ATF2: variants seen among roughly 807,000 people sequenced by gnomAD.
ATF2 encodes the protein cyclic AMP-dependent transcription factor ATF-2.
Under a neutral mutation model 60.6 loss-of-function variants are expected in ATF2, and 24 were observed. The ratio of observed to expected loss-of-function variants is 0.40; its 90% CI spans 0.29 to 0.56. The LOEUF (loss-of-function observed/expected upper bound fraction) is 0.56. Among genes scored for constraint, ATF2 ranks in the 20% least tolerant of loss-of-function variants. The pLI is 0.54. For synonymous variants in ATF2, 206 were observed against 215.4 expected, an observed-to-expected ratio of 0.96 and a Z score of 0.38; for missense variants, 433 against 607.7, an observed-to-expected ratio of 0.71 and a Z score of 3.02.
At chr2:175,093,641 A>C (rs1405333233) in intron 11 of ATF2, among the ~76,000 whole-genome samples, 2 of 152,182 alleles carry the variant, frequency 1.3e-5, no homozygotes, top group Non-Finnish European at 2.9e-5. Context: ...AACTAATTAT[A>C]AATTTCTCAA....
At chr2:175,155,020 G>C (rs1699583295) in intron 1 of ATF2, among the ~76,000 whole-genome samples, 1 of 152,200 alleles carries the variant, frequency 6.6e-6, no homozygotes, top group African/African-American at 2.4e-5. Context: ...GTAGGCAGGA[G>C]GTGGACAGTC....
intron 3 of ATF2, among the ~76,000 whole-genome samples, chr2:175,136,158 G>A (rs546821061): frequency 6.6e-6 from 1 of 151,944 alleles, no homozygotes; most frequent in Non-Finnish European, 1.5e-5. Flanking sequence ...CCATGGGACT[G>A]ATAGAACTCA....
intron 1 of ATF2, among the ~76,000 whole-genome samples, chr2:175,151,576 A>C (rs186847487): frequency 3.3e-5 from 5 of 152,166 alleles, no homozygotes; most frequent in African/African-American, 1.2e-4. Flanking sequence ...ATTGCTGCAC[A>C]ATAAAACCCA....
intron 3 of ATF2, among the ~76,000 whole-genome samples, chr2:175,132,532 C>T (rs1355940122): frequency 2.6e-5 from 4 of 152,078 alleles, no homozygotes; most frequent in Non-Finnish European, 4.4e-5. Context: ...CCCTTTTGCT[C>T]GTATTTTAAG....
intron 10 of ATF2, among the ~76,000 whole-genome samples, chr2:175,106,513 G>A (rs1435849516): frequency 6.7e-6 from 1 of 149,216 alleles, no homozygotes; most frequent in Non-Finnish European, 1.5e-5. Flanking sequence ...GTGACAAAGA[G>A]AAAGACTGTC....
At chr2:175,167,578 G>A in intron 1 of ATF2, 1 of 471,720 alleles carries the variant, frequency 2.1e-6, no homozygotes, top group Non-Finnish European at 4.4e-6. Context: ...GTCCTCAATC[G>A]CTTGAATACT....
chr2:175,084,579 G>C (rs901639550), intron 12 of ATF2, among the ~76,000 whole-genome samples: 1 of 149,516 alleles, frequency 6.7e-6, no homozygotes, highest in African/African-American at 2.5e-5. Context: ...CACCAGCATG[G>C]CACATGTATA....
chr2:175,150,352 T>C lies in ATF2; in HGVS notation c.-44+708A>G, dbSNP rs1355178908. On this transcript the variant is annotated intron_variant, in intron 2 of 13. Coordinates refer to ENST00000264110, the MANE Select transcript of ATF2 (RefSeq NM_001880.4). ...ATATATCTAACAAAGTCTATCACTA[T>C]GTTTTGAAAGATTTTGTACGCCAGA... Among the ~76,000 whole-genome samples the C allele has an allele frequency of 2.6e-5, 4 of 152,290 alleles. No individual in the cohort carries two copies. In the East Asian group the frequency reaches 5.8e-4, roughly 22 times the overall value.
intron 1 of ATF2, among the ~76,000 whole-genome samples, chr2:175,158,561 C>T (rs1699828396): frequency 6.6e-6 from 1 of 152,000 alleles, no homozygotes; most frequent in South Asian, 2.1e-4. Context: ...GCTTCCTGAT[C>T]CTACGGCAAG....
At chr2:175,094,356 T>G (rs1315808346) in intron 11 of ATF2, among the ~76,000 whole-genome samples, 1 of 132,016 alleles carries the variant, frequency 7.6e-6, no homozygotes, top group Non-Finnish European at 1.5e-5. Context: ...ATAACACCAC[T>G]GCACGCCAGC....
chr2:175,103,330 C>T (rs1328941675), intron 10 of ATF2, among the ~76,000 whole-genome samples: 1 of 152,186 alleles, frequency 6.6e-6, no homozygotes, highest in Admixed American at 6.5e-5. Context: ...GCATAATCTT[C>T]TAAATTCAGC....
chr2:175,156,377 CAAAAAAAAAAAA>C (rs57399474), intron 1 of ATF2, among the ~76,000 whole-genome samples: 4 of 56,020 alleles, frequency 7.1e-5, no homozygotes, highest in African/African-American at 2.3e-4. Flanking sequence ...TCTCAAAAAA[CAAAAAAAAAAAA>C]AAAAAAAAAA....
chr2:175,105,808 T>C (rs1468191595), intron 10 of ATF2, among the ~76,000 whole-genome samples: 2 of 151,984 alleles, frequency 1.3e-5, no homozygotes, highest in African/African-American at 4.8e-5. Flanking sequence ...CAAACCACAA[T>C]GTAATTAAAA....
intron 13 of ATF2, among the ~76,000 whole-genome samples, chr2:175,076,002 A>G (rs1309956732): frequency 2.0e-5 from 3 of 152,186 alleles, no homozygotes; most frequent in Non-Finnish European, 2.9e-5. Flanking sequence ...AAGAATGTGT[A>G]TTGGCCTGCT....
rs909080494 is a variant in ATF2, at chr2:175,072,768, ATTAG to A, written c.*1837_*1840del. The A allele has an allele frequency of 3.3e-5, 5 of 152,264 alleles. No homozygotes were observed. In the East Asian group the frequency reaches 5.8e-4, roughly 18 times the overall value. 9.4% of individuals were successfully genotyped at this position (152,264 alleles called of 1,614,324 possible). On this transcript the variant is annotated 3_prime_UTR_variant, in exon 14 of 14. Transcript: ENST00000264110. Reference sequence around the variant, plus strand: ...AAACTGATTACTTTAAAATAATGAAATTAGTTAAAAATTAAAAATTTAAAAAAAA... The same window carrying A: ...AAACTGATTACTTTAAAATAATGAAATTAAAAATTAAAAATTTAAAAAAAA...
chr2:175,134,013 A>G (rs1697940283), intron 3 of ATF2, among the ~76,000 whole-genome samples: 1 of 152,170 alleles, frequency 6.6e-6, no homozygotes, highest in Non-Finnish European at 1.5e-5. Flanking sequence ...AAGGACACAA[A>G]CTATAAAAAA....
Position 175,074,379 on chromosome 2 carries a change from A to G in ATF2, c.*230T>C, listed in dbSNP as rs1693133515. Reference sequence around the variant, plus strand: ...ACACATTGAGCACAGAAAAATTAATAAATCTAATAATATTTATAAAAAAAG... The same window carrying G: ...ACACATTGAGCACAGAAAAATTAATGAATCTAATAATATTTATAAAAAAAG... On this transcript the variant is annotated 3_prime_UTR_variant, in exon 14 of 14. Transcript: ENST00000264110. 3.1e-6 allele frequency: 1 copy of G among 324,444 alleles called. No homozygotes were observed. Among genetic ancestry groups the G allele is most frequent in the Non-Finnish European group, 5.5e-6 (1 of 180,768 alleles). The allele number at this position is 324,444 out of a possible 1,614,324, so 20.1% of individuals were successfully genotyped here.
intron 1 of ATF2, among the ~76,000 whole-genome samples, chr2:175,161,094 T>G (rs1699999552): frequency 6.6e-6 from 1 of 152,164 alleles, no homozygotes; most frequent in Non-Finnish European, 1.5e-5. Flanking sequence ...TTTTATCATC[T>G]TAAAATAAGG....
intron 12 of ATF2, among the ~76,000 whole-genome samples, chr2:175,090,293 A>G (rs942853205): frequency 3.3e-5 from 5 of 152,104 alleles, no homozygotes; most frequent in Admixed American, 6.5e-5. Context: ...TTCACTTAAC[A>G]TAATGTTTTG....
Sources: gnomAD v4.1 joint callset for allele counts (sites outside exome capture counted in the v4.1 genomes callset) on GRCh38, gnomAD v4.1.1 for gene constraint, MANE v1.5 for transcripts, NCBI Gene and HGNC (gene_info 2026-07-23, HGNC 2026-07-21) for gene names.